UST: variants seen among roughly 807,000 people sequenced by gnomAD.
UST encodes chondroitin sulfate 2-O-sulfotransferase.
A neutral mutation model predicts 45.6 loss-of-function variants in UST; 21 were observed. That is an observed-to-expected ratio of 0.46 (90% confidence interval 0.33 to 0.66). UST has a LOEUF of 0.66. UST is among the 30% of genes least tolerant of loss of function. The pLI is 0.02. For synonymous variants in UST, 215 were observed against 200.6 expected (o/e 1.07, Z -0.61); for missense variants, 463 against 512.4 (o/e 0.90, Z 0.93).
intron 5 of UST, among the ~76,000 whole-genome samples, chr6:148,986,293 G>A (rs1781236012): frequency 6.6e-6 from 1 of 152,160 alleles, no homozygotes; most frequent in South Asian, 2.1e-4. Flanking sequence ...AATTCTTACA[G>A]CATCCCCCTA....
intron 1 of UST, among the ~76,000 whole-genome samples, chr6:148,818,167 C>G (rs1424030254): frequency 6.7e-6 from 1 of 149,706 alleles, no homozygotes; most frequent in Non-Finnish European, 1.5e-5. Context: ...ATAAAATGAG[C>G]TAGAATGGAG....
chr6:148,968,844 T>C (rs1780858412), intron 5 of UST, among the ~76,000 whole-genome samples: 1 of 152,200 alleles, frequency 6.6e-6, no homozygotes. Context: ...TAGGCCATCC[T>C]CCATTTGAAG....
At chr6:148,955,695 A>G (rs556293685) in intron 4 of UST, 1 of 152,410 alleles carries the variant, frequency 6.6e-6, no homozygotes, top group East Asian at 1.9e-4. Flanking sequence ...ACTTGCAAAG[A>G]GAAAAGCGCT....
chr6:149,073,587 G>A (rs968879997), intron 7 of UST, among the ~76,000 whole-genome samples: 4 of 152,216 alleles, frequency 2.6e-5, no homozygotes, highest in Non-Finnish European at 5.9e-5. Context: ...TGGTCCAATC[G>A]CATGGTTCAC....
At chr6:148,985,684 G>A (rs902435729) in intron 5 of UST, among the ~76,000 whole-genome samples, 3 of 152,136 alleles carry the variant, frequency 2.0e-5, no homozygotes, top group Admixed American at 1.3e-4. Flanking sequence ...GTCTGCATTG[G>A]CCTGGTGAGG....
At position 149,074,288 on chromosome 6, in the gene UST, A is replaced by C. The variant is rs1776859280; in HGVS notation, c.*172A>C. The C allele has an allele frequency of 1.4e-6, 1 of 710,978 alleles. No individual in the cohort carries two copies. Among genetic ancestry groups the C allele is most frequent in the Admixed American group, 2.9e-5 (1 of 33,982 alleles). 44.0% of individuals were successfully genotyped at this position (710,978 alleles called of 1,614,324 possible). ...CCGGTTTTGCGGGTTTTATTTGTTTAATTTTATTCTGTGTTTTCTCTTGGC... is the reference window on the plus strand; with the variant it reads ...CCGGTTTTGCGGGTTTTATTTGTTTCATTTTATTCTGTGTTTTCTCTTGGC... On this transcript the variant is annotated 3_prime_UTR_variant, in exon 8 of 8. Transcript: ENST00000367463.
chr6:148,940,657 C>T (rs1283728250), intron 2 of UST, among the ~76,000 whole-genome samples: 1 of 152,026 alleles, frequency 6.6e-6, no homozygotes, highest in Non-Finnish European at 1.5e-5. Flanking sequence ...TATGATCCAG[C>T]AATTCCACTC....
chr6:149,011,652 AAT>A (rs1185869750), intron 5 of UST, among the ~76,000 whole-genome samples: 3 of 152,164 alleles, frequency 2.0e-5, no homozygotes, highest in Non-Finnish European at 4.4e-5. Context: ...CTCTACTAAA[AAT>A]ACAAAAACTA....
chr6:148,982,439 G>A (rs950812692), intron 5 of UST, among the ~76,000 whole-genome samples: 21 of 152,096 alleles, frequency 1.4e-4, no homozygotes, highest in African/African-American at 5.1e-4. Flanking sequence ...CCATTCACAA[G>A]GGAAGAGATC....
chr6:148,803,641 T>C (rs1372624146), intron 1 of UST, among the ~76,000 whole-genome samples: 1 of 152,118 alleles, frequency 6.6e-6, no homozygotes, highest in Non-Finnish European at 1.5e-5. Context: ...GTAAATCAGA[T>C]AAAGCCTCCC....
chr6:148,866,341 G>C (rs772784420), intron 1 of UST, among the ~76,000 whole-genome samples: 6 of 152,116 alleles, frequency 3.9e-5, no homozygotes, highest in Non-Finnish European at 8.8e-5. Context: ...CAGTAGTCGG[G>C]GGTAGATCTG....
At chr6:148,871,557 G>A (rs554201980) in intron 1 of UST, among the ~76,000 whole-genome samples, 5 of 152,154 alleles carry the variant, frequency 3.3e-5, no homozygotes, top group Non-Finnish European at 7.3e-5. Flanking sequence ...TACTGAAATT[G>A]ATATTCACAA....
intron 4 of UST, among the ~76,000 whole-genome samples, chr6:148,955,337 C>A (rs767193517): frequency 2.0e-5 from 3 of 152,224 alleles, no homozygotes; most frequent in Non-Finnish European, 4.4e-5. Flanking sequence ...TGCAGCAGGT[C>A]CTGTGCAAGT....
At chr6:148,871,139 T>TCTCTCTCTCTCC (rs1304234198) in intron 1 of UST, among the ~76,000 whole-genome samples, 34 of 149,572 alleles carry the variant, frequency 2.3e-4, no homozygotes, top group African/African-American at 8.2e-4. Flanking sequence ...TCTCTCTCTC[T>TCTCTCTCTCTCC]CTCTCTCCCT....
chr6:149,003,260 G>C (rs1781586349), intron 5 of UST, among the ~76,000 whole-genome samples: 1 of 152,142 alleles, frequency 6.6e-6, no homozygotes, highest in Admixed American at 6.5e-5. Context: ...AGTTTACCTT[G>C]CATTTCATTT....
intron 2 of UST, among the ~76,000 whole-genome samples, chr6:148,930,241 T>C (rs1779895555): frequency 1.3e-5 from 2 of 152,218 alleles, no homozygotes; most frequent in Admixed American, 6.5e-5. Context: ...CCTTGTTAGA[T>C]TGTGAGTTCT....
Position 149,034,870 on chromosome 6 carries a change from C to G in UST, c.937+13389C>G, listed in dbSNP as rs953987083. On this transcript the variant is annotated intron_variant, in intron 7 of 7. Transcript: ENST00000367463. ...TCTCTCTCTCTCTCTCTCTCTCTCT[C>G]TCTCTCTCTCTCTCTCTCTCTCTCT... 6.3e-3 allele frequency among the ~76,000 whole-genome samples: 853 copies of G among 134,808 alleles called. 18 individuals are homozygous for G. Among genetic ancestry groups the G allele is most frequent in the African/African-American group, 0.029 (816 of 28,604 alleles). The allele number at this position is 134,808 out of a possible 152,430, so 88.4% of individuals were successfully genotyped here.
chr6:148,819,802 T>C (rs1047760828), intron 1 of UST, among the ~76,000 whole-genome samples: 1 of 152,204 alleles, frequency 6.6e-6, no homozygotes, highest in African/African-American at 2.4e-5. Flanking sequence ...AATCTTTTTG[T>C]GTATGAAAAA....
At chr6:149,010,351 G>A (rs1163546735) in intron 5 of UST, among the ~76,000 whole-genome samples, 1 of 152,128 alleles carries the variant, frequency 6.6e-6, no homozygotes, top group African/African-American at 2.4e-5. Context: ...TCTCTGAAAA[G>A]CATCAAAACC....
Sources: allele counts gnomAD v4.1 joint callset (sites outside exome capture counted in the v4.1 genomes callset), GRCh38; gene constraint gnomAD v4.1.1; transcripts MANE v1.5; gene names NCBI Gene and HGNC (gene_info 2026-07-23, HGNC 2026-07-21).